KCNH8: variants seen among roughly 807,000 people sequenced by gnomAD.
The protein encoded by KCNH8 is potassium voltage-gated channel subfamily H member 8, also known as voltage-gated delayed rectifier potassium channel KCNH8.
In KCNH8, 70 loss-of-function variants were observed where a neutral mutation model predicts 103.6. The observed-to-expected ratio is 0.68, with a 90% confidence interval of 0.56 to 0.82. The LOEUF (loss-of-function observed/expected upper bound fraction) is 0.82. Among genes scored for constraint, KCNH8 ranks in the 40% least tolerant of loss-of-function variants. The probability of loss-of-function intolerance (pLI) is 0.00; values close to 1 mark genes in which losing one functional copy is unlikely to be tolerated. For synonymous variants in KCNH8, 498 were observed against 489.4 expected (o/e 1.02, Z -0.23); for missense variants, 1,217 against 1,329.9 (o/e 0.92, Z 1.32).
intron 3 of KCNH8, among the ~76,000 whole-genome samples, chr3:19,308,121 GT>G (rs927073702): frequency 6.6e-6 from 1 of 151,522 alleles, no homozygotes; most frequent in Non-Finnish European, 1.5e-5. Flanking sequence ...ATTGCTATAT[GT>G]TATATGTATT....
intron 5 of KCNH8, among the ~76,000 whole-genome samples, chr3:19,382,265 A>G (rs751330689): frequency 2.0e-5 from 3 of 152,164 alleles, no homozygotes; most frequent in Non-Finnish European, 4.4e-5. Flanking sequence ...CAGGGTAAGA[A>G]TTATAGTAAA....
chr3:19,356,463 C>G (rs1339890495), intron 5 of KCNH8, among the ~76,000 whole-genome samples: 2 of 151,932 alleles, frequency 1.3e-5, no homozygotes, highest in African/African-American at 2.4e-5. Flanking sequence ...TGAATCTCTA[C>G]TAGGCTGTAC....
chr3:19,322,570 C>A (rs542936861), intron 3 of KCNH8, among the ~76,000 whole-genome samples: 3 of 152,276 alleles, frequency 2.0e-5, no homozygotes, highest in African/African-American at 7.2e-5. Flanking sequence ...TGCTGTTAAT[C>A]TGATAGGTTT....
intron 1 of KCNH8, among the ~76,000 whole-genome samples, chr3:19,208,125 A>G (rs1236337336): frequency 6.6e-6 from 1 of 151,976 alleles, no homozygotes; most frequent in African/African-American, 2.4e-5. Flanking sequence ...GTCAGATGCT[A>G]AATACTACAG....
At chr3:19,283,672 T>A (rs1381668998) in intron 3 of KCNH8, among the ~76,000 whole-genome samples, 1 of 151,748 alleles carries the variant, frequency 6.6e-6, no homozygotes, top group East Asian at 1.9e-4. Context: ...TAGCCAACAA[T>A]CTAGGAGGCC....
chr3:19,206,212 C>CATAACACAGTTATATATATATATATAT (rs2063714219), intron 1 of KCNH8, among the ~76,000 whole-genome samples: 3 of 134,010 alleles, frequency 2.2e-5, no homozygotes, highest in African/African-American at 1.1e-4. Flanking sequence ...TGTATATATA[C>CATAACACAGTTATATATATATATATAT]ATACCACAGT....
intron 5 of KCNH8, among the ~76,000 whole-genome samples, chr3:19,367,470 A>T (rs1230169711): frequency 1.4e-5 from 2 of 147,322 alleles, no homozygotes; most frequent in Admixed American, 6.9e-5. Flanking sequence ...ATATCATAAT[A>T]TATATATATC....
Position 19,533,476 on chromosome 3 carries a change from C to G in KCNH8, c.2701C>G (p.Pro901Ala). 1 of 1,614,162 alleles carries G rather than the reference C, an allele frequency of 6.2e-7. No individual in the cohort carries two copies. Among genetic ancestry groups the G allele is most frequent in the South Asian group, 1.1e-5 (1 of 91,088 alleles). Residue 901 changes from proline (P) to alanine (A), a missense_variant, in exon 16 of 16, where the codon CCT (proline) becomes GCT (alanine). Coordinates refer to ENST00000328405, the MANE Select transcript of KCNH8 (RefSeq NM_144633.3). The stretch of plus-strand genomic sequence containing the variant: ...CCAGCTTCTGGAAAACGTTCTGTCA[C>G]CTCAGCAGCCATCACGGTTTTGCTC... Reference protein sequence around the residue: ...VIQLLENVLSPQQPSRFCSLH... With the variant: ...VIQLLENVLSAQQPSRFCSLH...
chr3:19,448,067 C>T (rs1222089863), intron 8 of KCNH8, among the ~76,000 whole-genome samples: 3 of 151,894 alleles, frequency 2.0e-5, no homozygotes, highest in African/African-American at 7.2e-5. Flanking sequence ...TTGCATTGAG[C>T]ATGCTGAAAA....
At chr3:19,203,856 G>A (rs1206685478) in intron 1 of KCNH8, among the ~76,000 whole-genome samples, 4 of 151,884 alleles carry the variant, frequency 2.6e-5, no homozygotes, top group Admixed American at 2.0e-4. Context: ...TAAAATCAAT[G>A]CAATTACTAG....
chr3:19,390,387 C>T, intron 5 of KCNH8, 94 bp from the exon 6 acceptor site: 1 of 914,316 alleles, frequency 1.1e-6, no homozygotes, highest in Non-Finnish European at 1.7e-6. Context: ...CTGCCTGTCT[C>T]CCTTCCTTTC....
intron 5 of KCNH8, among the ~76,000 whole-genome samples, chr3:19,381,994 G>A (rs960895866): frequency 6.6e-6 from 1 of 152,028 alleles, no homozygotes; most frequent in Non-Finnish European, 1.5e-5. Flanking sequence ...CTGGAGTTCT[G>A]GTTCCAGTTA....
chr3:19,456,696 G>A (rs2067536994), intron 10 of KCNH8, 72 bp from the exon 11 acceptor site: 2 of 965,222 alleles, frequency 2.1e-6, no homozygotes, highest in African/African-American at 1.7e-5. Context: ...AATGAAGCCT[G>A]TAAGTCAAAT....
chr3:19,379,511 GCACCTA>G (rs1432555923), intron 5 of KCNH8, among the ~76,000 whole-genome samples: 7 of 152,024 alleles, frequency 4.6e-5, no homozygotes, highest in African/African-American at 1.4e-4. Flanking sequence ...GTGGTGGCAT[GCACCTA>G]TAGTCCCAGC....
intron 1 of KCNH8, among the ~76,000 whole-genome samples, chr3:19,245,536 A>C (rs542340123): frequency 4.6e-5 from 7 of 152,258 alleles, no homozygotes; most frequent in Admixed American, 4.6e-4. Context: ...TGAATCTGTA[A>C]ATTCTTTTTG....
chr3:19,384,572 G>T (rs2066331613), intron 5 of KCNH8, among the ~76,000 whole-genome samples: 1 of 151,992 alleles, frequency 6.6e-6, no homozygotes, highest in Non-Finnish European at 1.5e-5. Flanking sequence ...ATTTAATAAG[G>T]CTGCATTACT....
chr3:19,436,672 T>G (rs1264777761), intron 7 of KCNH8, among the ~76,000 whole-genome samples: 2 of 152,156 alleles, frequency 1.3e-5, no homozygotes, highest in Non-Finnish European at 2.9e-5. Context: ...TCAACAAAAT[T>G]AGGTCAGTTG....
At chr3:19,260,077 T>C (rs1218847727) in intron 2 of KCNH8, among the ~76,000 whole-genome samples, 1 of 151,394 alleles carries the variant, frequency 6.6e-6, no homozygotes, top group Non-Finnish European at 1.5e-5. Flanking sequence ...AGGAAACAAA[T>C]GGGGAAACGT....
intron 14 of KCNH8, among the ~76,000 whole-genome samples, chr3:19,516,247 A>G (rs2068872653): frequency 6.6e-6 from 1 of 152,058 alleles, no homozygotes; most frequent in Admixed American, 6.6e-5. Context: ...CCCTTTATGA[A>G]CAAAGCCAAG....
Sources: allele counts gnomAD v4.1 joint callset (sites outside exome capture counted in the v4.1 genomes callset), GRCh38; gene constraint gnomAD v4.1.1; transcripts MANE v1.5; gene names NCBI Gene and HGNC (gene_info 2026-07-23, HGNC 2026-07-21).